Variants in BCAS3 observed in about 807,000 individuals in gnomAD.
BCAS3 encodes BCAS3 microtubule associated cell migration factor, also known as BCAS4/BCAS3 fusion.
A neutral mutation model predicts 116.1 loss-of-function variants in BCAS3; 53 were observed. The observed-to-expected ratio is 0.46, with a 90% CI of 0.37 to 0.57. The LOEUF (loss-of-function observed/expected upper bound fraction) is 0.57. Ranked by LOEUF, BCAS3 falls within the 20% of genes least tolerant of loss-of-function variation. The pLI is 0.00. For synonymous variants in BCAS3, 391 were observed against 408.2 expected (o/e 0.96, Z 0.51); for missense variants, 917 against 1,165.4 (o/e 0.79, Z 3.10).
At chr17:60,857,337 C>G (rs1423858021) in intron 7 of BCAS3, among the ~76,000 whole-genome samples, 3 of 152,126 alleles carry the variant, frequency 2.0e-5, no homozygotes, top group East Asian at 3.8e-4. Flanking sequence ...GCTCTAAAAA[C>G]TTCTTCTAGG....
chr17:60,933,017 A>C (rs1325171945), intron 13 of BCAS3, among the ~76,000 whole-genome samples: 2 of 152,076 alleles, frequency 1.3e-5, no homozygotes, highest in African/African-American at 4.8e-5. Context: ...TCTACTAAAA[A>C]TACAAAAATT....
At chr17:60,726,203 GA>G (rs2039830723) in intron 5 of BCAS3, among the ~76,000 whole-genome samples, 1 of 143,514 alleles carries the variant, frequency 7.0e-6, no homozygotes, top group African/African-American at 2.6e-5. Context: ...CCAGAGGGAG[GA>G]TTTTTTTTTT....
intron 6 of BCAS3, among the ~76,000 whole-genome samples, chr17:60,780,591 C>T (rs2045737860): frequency 6.6e-6 from 1 of 152,160 alleles, no homozygotes; most frequent in Non-Finnish European, 1.5e-5. Context: ...GCATGAGCCA[C>T]CACACCCAAC....
chr17:60,882,455 A>G (rs1227269382), intron 9 of BCAS3, among the ~76,000 whole-genome samples: 2 of 150,768 alleles, frequency 1.3e-5, no homozygotes, highest in Admixed American at 6.6e-5. Flanking sequence ...ATTAGATCCC[A>G]TTTGTCAATT....
intron 4 of BCAS3, among the ~76,000 whole-genome samples, chr17:60,697,681 A>G (rs1331722182): frequency 6.6e-6 from 1 of 152,020 alleles, no homozygotes; most frequent in East Asian, 1.9e-4. Context: ...CCAGTTGCAA[A>G]CAGTCTTCTA....
Position 61,008,041 on chromosome 17 carries a change from G to A in BCAS3, c.1487-7710G>A, listed in dbSNP as rs959252787. ...CTTTAAAAATGTGTGTCTGTGTGTCGACACACACACACACACACACACATA... is the reference window on the plus strand; with the variant it reads ...CTTTAAAAATGTGTGTCTGTGTGTCAACACACACACACACACACACACATA... On this transcript the variant is annotated intron_variant, in intron 15 of 23. Transcript: ENST00000407086. The surrounding 1 kb of genome is among the most constrained non-coding windows in gnomAD (Gnocchi z 4.6). 6.7e-6 allele frequency among the ~76,000 whole-genome samples: 1 copy of A among 149,242 alleles called. No individual in the cohort carries two copies. Among genetic ancestry groups the A allele is most frequent in the Non-Finnish European group, 1.5e-5 (1 of 66,962 alleles).
At chr17:60,902,797 G>T (rs2057981838) in intron 11 of BCAS3, 94 bp downstream of exon 11, 3 of 1,013,702 alleles carry the variant, frequency 3.0e-6, no homozygotes, top group Non-Finnish European at 4.5e-6. Flanking sequence ...AATGATTGTA[G>T]TGCTTGTACT....
chr17:60,701,317 T>A (rs1354050798), intron 4 of BCAS3, among the ~76,000 whole-genome samples: 2 of 152,160 alleles, frequency 1.3e-5, no homozygotes, highest in Admixed American at 6.6e-5. Flanking sequence ...TGTTTATTGC[T>A]TTATGATTTT....
At chr17:61,001,039 A>G (rs1474144024) in intron 15 of BCAS3, among the ~76,000 whole-genome samples, 1 of 152,120 alleles carries the variant, frequency 6.6e-6, no homozygotes, top group East Asian at 1.9e-4. Flanking sequence ...TAACAAACAG[A>G]TCTTGGATTC....
rs1424799620 is a variant in BCAS3 at position 61,076,482 on chromosome 17, TC to T, written c.2130+1464del. Among the ~76,000 whole-genome samples the T allele has an allele frequency of 2.6e-5, 4 of 152,356 alleles. No individual in the cohort carries two copies. In the East Asian group the frequency reaches 7.7e-4, roughly 29 times the overall value. ...TCAGTTCCTGGCATGTGGCGGTCCA[TC>T]CTTTCTTAATGTTAGGAAGATAAAG... On this transcript the variant is annotated intron_variant, in intron 20 of 23. Transcript: ENST00000407086.
intron 6 of BCAS3, among the ~76,000 whole-genome samples, chr17:60,780,859 A>C (rs546807694): frequency 6.6e-6 from 1 of 152,250 alleles, no homozygotes; most frequent in South Asian, 2.1e-4. Flanking sequence ...TATTTTCCTA[A>C]GTTAATTGTA....
intron 7 of BCAS3, among the ~76,000 whole-genome samples, chr17:60,849,768 T>A (rs1369787384): frequency 1.2e-4 from 18 of 152,078 alleles, no homozygotes; most frequent in Admixed American, 1.2e-3. Context: ...CTCCTCCTGT[T>A]CCTTCTTTCT....
Position 61,007,455 on chromosome 17 carries a change from G to A in BCAS3, c.1487-8296G>A, listed in dbSNP as rs1399071230. 6.6e-6 allele frequency among the ~76,000 whole-genome samples: 1 copy of A among 151,968 alleles called. No individual in the cohort carries two copies. Among genetic ancestry groups the A allele is most frequent in the African/African-American group, 2.4e-5 (1 of 41,396 alleles). ...AAAAGAAAAATACTTAAATTTGTAT[G>A]TTGTAGTAGCCAACACATTCAGATA... is the stretch of plus-strand genomic sequence containing the variant. On this transcript the variant is annotated intron_variant, in intron 15 of 23. Transcript: ENST00000407086. This position sits in a 1 kb window ranked among gnomAD's most constrained non-coding sequence, Gnocchi z 4.3.
At chr17:61,242,546 C>T (rs2047609766) in intron 22 of BCAS3, among the ~76,000 whole-genome samples, 1 of 152,120 alleles carries the variant, frequency 6.6e-6, no homozygotes, top group Admixed American at 6.5e-5. Flanking sequence ...TGCCTAGACC[C>T]TTCTCCCATT....
intron 15 of BCAS3, chr17:61,002,739 C>G (rs182666951): frequency 1.8e-4 from 28 of 152,096 alleles, no homozygotes; most frequent in Admixed American, 1.2e-3. Flanking sequence ...TATGTGGGGT[C>G]ATTATGCTAA....
At chr17:60,809,157 G>A (rs2048554689) in intron 7 of BCAS3, among the ~76,000 whole-genome samples, 1 of 151,638 alleles carries the variant, frequency 6.6e-6, no homozygotes, top group Admixed American at 6.6e-5. Context: ...GGTGGCATGT[G>A]CCTATAACCC....
rs1407453620 is a variant in BCAS3 at position 61,214,038 on chromosome 17, G to A, written c.2425+129474G>A. On this transcript the variant is annotated intron_variant, in intron 22 of 23. Coordinates refer to ENST00000407086, the MANE Select transcript of BCAS3 (RefSeq NM_017679.5). This position sits in a 1 kb window ranked among gnomAD's most constrained non-coding sequence, Gnocchi z 4.4. ...GCTGGAGATTCTACCTAACCTCACA[G>A]GACTCCTAGCATGGCTGGTTTCAAA... 6.6e-6 allele frequency among the ~76,000 whole-genome samples: 1 copy of A among 152,074 alleles called. No homozygotes were observed. The highest frequency in any genetic ancestry group is 2.4e-5 in the African/African-American group (1 of 41,394).
rs1412022765 is a variant in BCAS3, at chr17:61,235,251, T to C, written c.2426-133076T>C. Among the ~76,000 whole-genome samples the C allele has an allele frequency of 1.3e-5, 2 of 152,068 alleles. No individual in the cohort carries two copies. The highest frequency in any genetic ancestry group is 4.8e-5 in the African/African-American group (2 of 41,416). On this transcript the variant is annotated intron_variant, in intron 22 of 23. Transcript: ENST00000407086. This position sits in a 1 kb window ranked among gnomAD's most constrained non-coding sequence, Gnocchi z 5.0. ...ACTCATTTGGTCTCTTTGAAAAGAG[T>C]GGCCAGGTGAAGGCTGAAGGACCGG...
Position 61,356,786 on chromosome 17 carries a change from T to C in BCAS3, c.2426-11541T>C, listed in dbSNP as rs1332061389. ...GAGGTGGAATCGTTTCTGCCATTTT[T>C]CACACACAAGTTGGTGCACATTCCT... On this transcript the variant is annotated intron_variant, in intron 22 of 23. Transcript: ENST00000407086. The surrounding 1 kb of genome is among the most constrained non-coding windows in gnomAD (Gnocchi z 5.4). 6.6e-6 allele frequency: 1 copy of C among 152,272 alleles called. No homozygotes were observed. Among genetic ancestry groups the C allele is most frequent in the Non-Finnish European group, 1.5e-5 (1 of 68,048 alleles). 9.4% of individuals were successfully genotyped at this position (152,272 alleles called of 1,614,324 possible).
Sources: gnomAD v4.1 joint callset for allele counts (sites outside exome capture counted in the v4.1 genomes callset) on GRCh38, gnomAD v4.1.1 for gene constraint, Gnocchi (gnomAD v3.1) non-coding constraint, MANE v1.5 for transcripts, NCBI Gene and HGNC (gene_info 2026-07-23, HGNC 2026-07-21) for gene names.